ASPH: variants seen among roughly 807,000 people sequenced by gnomAD.
The protein encoded by ASPH is aspartyl/asparaginyl beta-hydroxylase.
A neutral mutation model predicts 118.4 loss-of-function variants in ASPH; 100 were observed. The ratio of observed to expected loss-of-function variants is 0.84; its 90% CI spans 0.72 to 1.00. The LOEUF (loss-of-function observed/expected upper bound fraction) is 1.00, where lower values mean the gene tolerates loss of function less well. Ranked by LOEUF, ASPH falls within the 50% of genes least tolerant of loss-of-function variation. The probability of loss-of-function intolerance (pLI) is 0.00; values close to 1 mark genes in which losing one functional copy is unlikely to be tolerated. For synonymous variants in ASPH, 315 were observed against 325.6 expected, an observed-to-expected ratio of 0.97 and a Z score of 0.35; for missense variants, 920 against 919.5, an observed-to-expected ratio of 1.00 and a Z score of -0.01.
chr8:61,503,588 G>A (rs1415300299), intron 24 of ASPH, 79 bp from the exon 25 acceptor site: 33 of 1,378,970 alleles, frequency 2.4e-5, no homozygotes, highest in Admixed American at 1.3e-4. Flanking sequence ...GTCCATGTGC[G>A]AGAACTACCT....
intron 24 of ASPH, among the ~76,000 whole-genome samples, chr8:61,506,858 A>C (rs774614600): frequency 3.9e-5 from 6 of 152,188 alleles, no homozygotes; most frequent in Non-Finnish European, 8.8e-5. Context: ...CCTTCCTTTG[A>C]GACAACTAAA....
At chr8:61,543,239 T>C (rs1822596642) in intron 21 of ASPH, among the ~76,000 whole-genome samples, 2 of 152,166 alleles carry the variant, frequency 1.3e-5, no homozygotes, top group Non-Finnish European at 2.9e-5. Context: ...TTTCTTCCCC[T>C]GAGGATTCCA....
chr8:61,702,263 T>C (rs898929312), intron 1 of ASPH, among the ~76,000 whole-genome samples: 15 of 151,760 alleles, frequency 9.9e-5, no homozygotes, highest in African/African-American at 3.1e-4. Flanking sequence ...CCAATGAGTT[T>C]TACCAAATAG....
chr8:61,511,850 T>C (rs921653524), intron 24 of ASPH, among the ~76,000 whole-genome samples: 32 of 152,140 alleles, frequency 2.1e-4, no homozygotes, highest in African/African-American at 6.8e-4. Flanking sequence ...GTGATCCGCC[T>C]GCCTCGGCTT....
chr8:61,577,188 A>G (rs994474422), intron 15 of ASPH, among the ~76,000 whole-genome samples: 1 of 151,666 alleles, frequency 6.6e-6, no homozygotes, highest in African/African-American at 2.4e-5. Flanking sequence ...GGGTGGGGGG[A>G]TGGAGGAGGG....
At chr8:61,570,131 T>G (rs748401942) in intron 16 of ASPH, among the ~76,000 whole-genome samples, 2 of 152,208 alleles carry the variant, frequency 1.3e-5, no homozygotes, top group East Asian at 1.9e-4. Context: ...CTGAACATCA[T>G]AGCTTAGCAG....
At chr8:61,517,732 A>G (rs138659032) in intron 23 of ASPH, 71 bp from the exon 24 acceptor site, 41,254 of 1,537,444 alleles carry the variant, frequency 0.027, 643 homozygotes, top group Non-Finnish European at 0.031. Context: ...TTAAGGTGAC[A>G]GTACAAAATT....
intron 14 of ASPH, among the ~76,000 whole-genome samples, chr8:61,585,423 C>T (rs1839112774): frequency 2.0e-5 from 3 of 152,254 alleles, no homozygotes; most frequent in Admixed American, 2.0e-4. Flanking sequence ...AGAGAACTTC[C>T]TCAATTTTCT....
At chr8:61,649,449 C>T (rs1809763385) in intron 5 of ASPH, among the ~76,000 whole-genome samples, 1 of 152,008 alleles carries the variant, frequency 6.6e-6, no homozygotes, top group African/African-American at 2.4e-5. Context: ...GCCAAGTATG[C>T]AGTTAGGTAA....
intron 1 of ASPH, among the ~76,000 whole-genome samples, chr8:61,704,194 CAAAAAAAAAAAAAAAAAAAAAAA>C (rs61553495): frequency 1.2e-4 from 5 of 40,446 alleles, no homozygotes; most frequent in Admixed American, 3.8e-4. Context: ...GACTCCGTCT[CAAAAAAAAAAAAAAAAAAAAAAA>C]AAAAAAAAAA....
intron 17 of ASPH, among the ~76,000 whole-genome samples, chr8:61,565,439 A>G (rs1831365376): frequency 6.6e-6 from 1 of 152,240 alleles, no homozygotes. Context: ...TCTATTAGCT[A>G]TGATTCCTTA....
chr8:61,638,258 G>A lies in ASPH; in HGVS notation c.832+64C>T, dbSNP rs1178004758. 4.5e-6 allele frequency: 7 copies of A among 1,548,450 alleles called. No homozygotes were observed. In the East Asian group the frequency reaches 1.1e-4, roughly 25 times the overall value. ...CACTGACTCTTTGTTCCACAGGTAG[G>A]AGTTTTAACAAAATACAGGGAAAGC... On this transcript the variant is annotated intron_variant, in intron 11 of 24. Transcript: ENST00000379454.
At chr8:61,582,397 A>G (rs1837848943) in intron 15 of ASPH, among the ~76,000 whole-genome samples, 1 of 152,208 alleles carries the variant, frequency 6.6e-6, no homozygotes, top group South Asian at 2.1e-4. Context: ...TAGTATAGAG[A>G]AAGTGGAGGT....
intron 21 of ASPH, among the ~76,000 whole-genome samples, chr8:61,545,567 T>C (rs1158025606): frequency 3.3e-5 from 5 of 152,156 alleles, no homozygotes; most frequent in East Asian, 1.9e-4. Flanking sequence ...TTGGGGAACA[T>C]AGCTTTGGTA....
At chr8:61,626,168 C>G in intron 13 of ASPH, 2 of 1,292,870 alleles carry the variant, frequency 1.5e-6, no homozygotes, top group Non-Finnish European at 2.0e-6. Context: ...TCCCAAAGAT[C>G]TTGATCTGCT....
intron 14 of ASPH, among the ~76,000 whole-genome samples, chr8:61,595,638 T>C (rs1842310774): frequency 1.3e-5 from 2 of 152,160 alleles, no homozygotes; most frequent in Admixed American, 1.3e-4. Context: ...CTCTGAGAGA[T>C]AGGGATCACA....
At chr8:61,616,939 C>T (rs1432789588) in intron 14 of ASPH, among the ~76,000 whole-genome samples, 1 of 152,144 alleles carries the variant, frequency 6.6e-6, no homozygotes, top group Non-Finnish European at 1.5e-5. Context: ...CAATTCCTGG[C>T]ATGTAGTTGG....
intron 14 of ASPH, among the ~76,000 whole-genome samples, chr8:61,601,410 G>A (rs1266855234): frequency 2.0e-5 from 3 of 150,786 alleles, no homozygotes; most frequent in Admixed American, 6.6e-5. Context: ...GCGTGGTGGC[G>A]GGTGCCTGTA....
intron 21 of ASPH, among the ~76,000 whole-genome samples, chr8:61,539,699 G>GGGGGTGTGTGT (rs1554618405): frequency 8.1e-6 from 1 of 124,214 alleles, no homozygotes; most frequent in Non-Finnish European, 1.7e-5. Flanking sequence ...ACACTTCTGG[G>GGGGGTGTGTGT]GTGTGTGTGT....
Sources: allele counts gnomAD v4.1 joint callset (sites outside exome capture counted in the v4.1 genomes callset), GRCh38; gene constraint gnomAD v4.1.1; transcripts MANE v1.5; gene names NCBI Gene and HGNC (gene_info 2026-07-23, HGNC 2026-07-21).